The following SGCD variants were observed in gnomAD, a reference collection of about 807,000 sequenced individuals.
SGCD encodes delta-sarcoglycan.
A neutral mutation model predicts 36.6 loss-of-function variants in SGCD; 18 were observed. The observed-to-expected ratio is 0.49, with a 90% confidence interval of 0.34 to 0.73. SGCD has a LOEUF of 0.73. SGCD is among the 30% of genes least tolerant of loss of function. The pLI is 0.01. For synonymous variants in SGCD, 133 were observed against 130.6 expected, an observed-to-expected ratio of 1.02 and a Z score of -0.12; for missense variants, 387 against 346.7, an observed-to-expected ratio of 1.12 and a Z score of -0.92.
intron 3 of SGCD, among the ~76,000 whole-genome samples, chr5:156,229,273 CATACATAT>C (rs1764939723): frequency 1.2e-4 from 1 of 8,578 alleles, no homozygotes; most frequent in Admixed American, 1.9e-3. Context: ...TATATATATA[CATACATAT>C]ATATATATAT....
intron 1 of SGCD, among the ~76,000 whole-genome samples, chr5:156,060,424 T>A (rs946686799): frequency 1.4e-5 from 2 of 146,524 alleles, no homozygotes; most frequent in Admixed American, 1.4e-4. Context: ...CTAAAAAGTC[T>A]TTCTATCTTC....
intron 3 of SGCD, among the ~76,000 whole-genome samples, chr5:156,496,403 T>G (rs1581077220): frequency 6.6e-6 from 1 of 152,244 alleles, no homozygotes; most frequent in East Asian, 1.9e-4. Context: ...ACTGTTTTCT[T>G]GGATGGCCAG....
chr5:156,554,839 C>A (rs1206954064), intron 4 of SGCD, among the ~76,000 whole-genome samples: 1 of 151,942 alleles, frequency 6.6e-6, no homozygotes, highest in Non-Finnish European at 1.5e-5. Flanking sequence ...GTAGCTGCAC[C>A]CTTTTACATT....
the SGCD span, among the ~76,000 whole-genome samples, chr5:155,743,380 A>G: frequency 1.3e-5 from 2 of 152,208 alleles, no homozygotes; most frequent in Non-Finnish European, 2.9e-5. Context: ...AGATTCTTCT[A>G]GCTCCTCAGT....
At chr5:156,213,871 TGATCATCTCGATA>T (rs1444882653) in intron 3 of SGCD, among the ~76,000 whole-genome samples, 1 of 152,046 alleles carries the variant, frequency 6.6e-6, no homozygotes, top group Non-Finnish European at 1.5e-5. Flanking sequence ...AAAATCACTA[TGATCATCTCGATA>T]GATTTGACAT....
At chr5:156,487,325 T>C (rs1755720875) in intron 3 of SGCD, among the ~76,000 whole-genome samples, 1 of 152,004 alleles carries the variant, frequency 6.6e-6, no homozygotes, top group Non-Finnish European at 1.5e-5. Context: ...TCCTACTCAA[T>C]CAACACTATA....
intron 1 of SGCD, among the ~76,000 whole-genome samples, chr5:156,079,388 A>G (rs1454652053): frequency 6.6e-6 from 1 of 152,186 alleles, no homozygotes; most frequent in Non-Finnish European, 1.5e-5. Context: ...TCCTTTTCAT[A>G]TTGCAAAATA....
Position 155,982,739 on chromosome 5 carries a change from T to C in SGCD, c.-282+112315T>C, listed in dbSNP as rs1286422830. Among the ~76,000 whole-genome samples the C allele has an allele frequency of 2.0e-5, 3 of 152,168 alleles. No individual in the cohort carries two copies. The East Asian group carries it at 5.8e-4, about 29-fold the overall frequency. On this transcript the variant is annotated intron_variant, in intron 1 of 9. Coordinates refer to the SGCD transcript ENST00000517913. The stretch of plus-strand genomic sequence containing the variant: ...CTGGGCTTCCCTCTGAGCCCTCAGC[T>C]ACGATACTGGTGATGAATGACTCGG...
At chr5:155,958,314 C>A (rs1184003844) in intron 1 of SGCD, among the ~76,000 whole-genome samples, 1 of 152,026 alleles carries the variant, frequency 6.6e-6, no homozygotes, top group African/African-American at 2.4e-5. Flanking sequence ...CAGAGCAAGA[C>A]TAGGAGGTGG....
chr5:156,409,522 C>T (rs962958590), intron 3 of SGCD, among the ~76,000 whole-genome samples: 1 of 152,184 alleles, frequency 6.6e-6, no homozygotes, highest in Non-Finnish European at 1.5e-5. Flanking sequence ...CCCTTATTTG[C>T]AGCATACCCC....
intron 3 of SGCD, among the ~76,000 whole-genome samples, chr5:156,294,800 G>A (rs1025085590): frequency 2.0e-5 from 3 of 152,046 alleles, no homozygotes; most frequent in Non-Finnish European, 4.4e-5. Context: ...ATTTTGATAC[G>A]CTAGATTATT....
chr5:155,910,988 A>G (rs549155340), intron 1 of SGCD, among the ~76,000 whole-genome samples: 11 of 152,214 alleles, frequency 7.2e-5, no homozygotes, highest in Non-Finnish European at 1.5e-4. Flanking sequence ...TTGTTCTATC[A>G]CAGAGCCAGC....
chr5:155,862,834 G>T, the SGCD span, among the ~76,000 whole-genome samples: 3 of 152,152 alleles, frequency 2.0e-5, no homozygotes, highest in Non-Finnish European at 4.4e-5. Context: ...ATGCCATGAA[G>T]ATTTATGTGC....
At chr5:156,614,606 C>A (rs1035113366) in intron 6 of SGCD, among the ~76,000 whole-genome samples, 4 of 152,236 alleles carry the variant, frequency 2.6e-5, no homozygotes, top group South Asian at 2.1e-4. Flanking sequence ...GACTCCCCCA[C>A]AGTTTAGTCC....
intron 1 of SGCD, among the ~76,000 whole-genome samples, chr5:156,087,651 A>AC (rs1379588715): frequency 6.6e-6 from 1 of 151,910 alleles, no homozygotes; most frequent in East Asian, 1.9e-4. Flanking sequence ...AAAAAAAAAA[A>AC]AAAAAAAAAA....
intron 3 of SGCD, among the ~76,000 whole-genome samples, chr5:156,310,464 C>T (rs190192729): frequency 8.3e-4 from 127 of 152,284 alleles, no homozygotes; most frequent in South Asian, 4.2e-3. Context: ...ATGAACATCC[C>T]GCCAGTGTGC....
intron 3 of SGCD, among the ~76,000 whole-genome samples, chr5:156,389,430 A>G (rs1483529930): frequency 6.6e-6 from 1 of 152,196 alleles, no homozygotes; most frequent in Non-Finnish European, 1.5e-5. Flanking sequence ...AACTGGGACT[A>G]TCTCCAGAAG....
chr5:156,624,176 G>A (rs1561822044), intron 6 of SGCD, among the ~76,000 whole-genome samples: 2 of 152,254 alleles, frequency 1.3e-5, no homozygotes, highest in Admixed American at 6.5e-5. Context: ...ACTGAGAAGT[G>A]GAAATTTGAG....
intron 3 of SGCD, among the ~76,000 whole-genome samples, chr5:156,201,253 A>G: frequency 6.6e-6 from 1 of 152,220 alleles, no homozygotes; most frequent in East Asian, 1.9e-4. Flanking sequence ...ACAATAAAAA[A>G]GTAAATAAAA....
Sources: allele counts gnomAD v4.1 joint callset (sites outside exome capture counted in the v4.1 genomes callset), GRCh38; gene constraint gnomAD v4.1.1; transcripts MANE v1.5; gene names NCBI Gene and HGNC (gene_info 2026-07-23, HGNC 2026-07-21).